The following ZNF551 variants were observed in gnomAD, a reference collection of about 807,000 sequenced individuals.
ZNF551 encodes zinc finger protein 551, also known as KOX 23 protein (56 AA).
In ZNF551, 5 loss-of-function variants were observed where a neutral mutation model predicts 7.9. That is an observed-to-expected ratio of 0.63 (90% CI 0.33 to 1.33). The LOEUF is 1.33. ZNF551 is among the 40% of genes most tolerant of loss of function. The probability of loss-of-function intolerance (pLI) is 0.05; values close to 1 mark genes in which losing one functional copy is unlikely to be tolerated. For synonymous variants in ZNF551, 287 were observed against 277.3 expected (o/e 1.03, Z -0.35); for missense variants, 788 against 825.2 (o/e 0.95, Z 0.55).
Position 57,687,919 on chromosome 19 carries a change from G to C in ZNF551, c.1644G>C (p.Gln548His). 6.2e-7 allele frequency: 1 copy of C among 1,613,964 alleles called. No homozygotes were observed. The highest frequency in any genetic ancestry group is 8.5e-7 in the Non-Finnish European group (1 of 1,179,986). ...TTAGACAGCGCTCTGGCCTCATTCA[G>C]CACCGGAGACTTCATACTGGAGAAA... ...KSFRQRSGLIQHRRLHTGERP... is the reference protein window; with the variant it reads ...KSFRQRSGLIHHRRLHTGERP... Residue 548 changes from glutamine (Q) to histidine (H), a missense_variant, in exon 3 of 3, where the codon CAG becomes CAC. By Grantham distance (24) the Gln-to-His change is conservative. Transcript: ENST00000282296.
chr19:57,684,823 T>C (rs1984502005), intron 1 of ZNF551, among the ~76,000 whole-genome samples: 1 of 152,082 alleles, frequency 6.6e-6, no homozygotes, highest in African/African-American at 2.4e-5. Flanking sequence ...AAGAGTGATG[T>C]ACATGAGAAG....
In ZNF551 at chr19:57,686,632, G is replaced by A. The variant is rs754411980; in HGVS notation, c.357G>A (p.Ala119=). The change falls in exon 3 of 3, where the codon GCG becomes GCA. Residue 119 remains alanine (A), a synonymous_variant. Coordinates refer to ENST00000282296, the MANE Select transcript of ZNF551 (RefSeq NM_138347.5). The part of the protein sequence containing the change: ...CVPVLKDILP[A]AEHQTTSPVQ... ...CAGTCTTGAAAGACATTTTGCCTGC[G>A]GCTGAGCACCAAACCACATCCCCTG... 2.7e-5 allele frequency: 43 copies of A among 1,614,142 alleles called. No homozygotes were observed. The highest frequency in any genetic ancestry group is 1.7e-4 in the Admixed American group (10 of 60,020).
chr19:57,686,389 A>T, intron 2 of ZNF551, 92 bp from the exon 3 acceptor site: 3 of 1,516,274 alleles, frequency 2.0e-6, no homozygotes, highest in Non-Finnish European at 2.7e-6. Flanking sequence ...AGTTCCATGC[A>T]CTCAGTTCTT....
rs1169673497 is a variant in ZNF551 at position 57,688,537 on chromosome 19, C to G, written c.*249C>G. On this transcript the variant is annotated 3_prime_UTR_variant, in exon 3 of 3. Coordinates refer to ENST00000282296, the MANE Select transcript of ZNF551 (RefSeq NM_138347.5). Reference sequence around the variant, plus strand: ...TTTCACCCCTACCACCTGGCAGGTGCACACCATGTGCATGAGTCACTTCCC... The same window carrying G: ...TTTCACCCCTACCACCTGGCAGGTGGACACCATGTGCATGAGTCACTTCCC... 3.7e-6 allele frequency: 2 copies of G among 547,446 alleles called. No individual in the cohort carries two copies. The highest frequency in any genetic ancestry group is 6.5e-6 in the Non-Finnish European group (2 of 309,720). The allele number at this position is 547,446 out of a possible 1,614,324, so 33.9% of individuals were successfully genotyped here. A position where few individuals can be genotyped will look rare whatever the true frequency, so the allele number is the denominator to read the frequency against.
At chr19:57,683,415 T>C (rs1984452635) in intron 1 of ZNF551, among the ~76,000 whole-genome samples, 1 of 152,148 alleles carries the variant, frequency 6.6e-6, no homozygotes, top group African/African-American at 2.4e-5. Context: ...GGGAAGTACA[T>C]AGTAGGAGTA....
In ZNF551 at chr19:57,686,747, G is replaced by GAGCCCTGGAAA; in HGVS notation, c.475_485dup (p.Arg162SerfsTer13). 1 of 1,614,174 alleles carries GAGCCCTGGAAA rather than the reference G, an allele frequency of 6.2e-7. No homozygotes were observed. The highest frequency in any genetic ancestry group is 8.5e-7 in the Non-Finnish European group (1 of 1,180,032). ...GCATCAAAAGCATTACAATGAAGAA[G>GAGCCCTGGAAA]AGCCCTGGAAAAGGAAGGTGGATGA... is the stretch of plus-strand genomic sequence containing the variant. On this transcript the variant is annotated frameshift_variant, in exon 3 of 3. Transcript: ENST00000282296. LOFTEE classifies it low-confidence loss of function (END_TRUNC).
chr19:57,682,814 G>T (rs921455213), intron 1 of ZNF551, among the ~76,000 whole-genome samples: 8 of 152,188 alleles, frequency 5.3e-5, no homozygotes, highest in African/African-American at 1.9e-4. Flanking sequence ...CACTCGTCTA[G>T]CCTTGGGCCC....
In ZNF551 at chr19:57,687,728, A is replaced by G. The variant is rs1984623011; in HGVS notation, c.1453A>G (p.Ser485Gly). ...YECSECEKSF[S>G]RKFILIQHQR... The stretch of plus-strand genomic sequence containing the variant: ...GTGCAGTGAATGTGAGAAATCCTTT[A>G]GCCGCAAATTTATCCTGATTCAACA... The change falls in exon 3 of 3, where the codon AGC becomes GGC. Residue 485 changes from serine to glycine, a missense_variant. Transcript: ENST00000282296. 5 of 1,614,054 alleles carry G rather than the reference A, an allele frequency of 3.1e-6. No individual in the cohort carries two copies. Among genetic ancestry groups the G allele is most frequent in the Admixed American group, 1.7e-5 (1 of 59,990 alleles).
rs140247514 is a variant in ZNF551, at chr19:57,686,895, G to C, written c.620G>C (p.Ser207Thr). 2.2e-4 allele frequency: 359 copies of C among 1,614,212 alleles called. No individual in the cohort carries two copies. Among genetic ancestry groups the C allele is most frequent in the Middle Eastern group, 1.5e-3 (9 of 6,062 alleles). The change falls in exon 3 of 3, where the codon AGT becomes ACT. Residue 207 changes from serine (S) to threonine (T), a missense_variant. Transcript: ENST00000282296. ...ACTCCCAGTGGTGAGGAGCCACACA[G>C]TAGCAGCAGCAAGCATATACAGGCA... ...EATPSGEEPH[S>T]SSSKHIQAFF... is the part of the protein sequence containing the mutation.
Position 57,685,233 on chromosome 19 carries a change from C to T in ZNF551, c.82-29C>T, listed in dbSNP as rs112664679. On this transcript the variant is annotated intron_variant, in intron 1 of 2. Coordinates refer to ENST00000282296, the MANE Select transcript of ZNF551 (RefSeq NM_138347.5). ...GAGGATAATGAACTCCGGGTCTGAT[C>T]GTGGATTGAACTATTCCTGCTGTGA... 3.0e-5 allele frequency: 49 copies of T among 1,611,516 alleles called. 1 individual carries two copies. The highest frequency in any genetic ancestry group is 1.2e-4 in the African/African-American group (9 of 74,930).
At position 57,682,235 on chromosome 19, in the gene ZNF551, C is replaced by T. The variant is rs1395893415; in HGVS notation, c.72C>T (p.Asp24=). ...RSSMAAVALR[D]SAQGMTFEDV... is the part of the protein sequence containing the mutation. ...CAATGGCGGCAGTCGCGCTGAGGGA[C>T]TCGGCTCAGGTGAGTTGTGCGTCCT... The change falls in exon 1 of 3, where the codon GAC becomes GAT. Residue 24 remains aspartate (D), a synonymous_variant. Transcript: ENST00000282296. 9 of 1,550,494 alleles carry T rather than the reference C, an allele frequency of 5.8e-6. No individual in the cohort carries two copies. The highest frequency in any genetic ancestry group is 1.2e-5 in the South Asian group (1 of 84,054).
Position 57,686,901 on chromosome 19 carries a change from G to C in ZNF551, c.626G>C (p.Ser209Thr), listed in dbSNP as rs202090270. ...AGTGGTGAGGAGCCACACAGTAGCA[G>C]CAGCAAGCATATACAGGCATTTTTC... ...TPSGEEPHSS[S>T]SKHIQAFFNA... is the part of the protein sequence containing the mutation. The change falls in exon 3 of 3, where the codon AGC becomes ACC. Residue 209 changes from serine to threonine, a missense_variant. Ser to Thr is a moderately conservative substitution (Grantham distance 58). Transcript: ENST00000282296. 2.8e-5 allele frequency: 46 copies of C among 1,614,166 alleles called. No individual in the cohort carries two copies. In the East Asian group the frequency reaches 1.0e-3, roughly 35 times the overall value.
chr19:57,683,847 C>T (rs148193849), intron 1 of ZNF551, among the ~76,000 whole-genome samples: 48 of 152,092 alleles, frequency 3.2e-4, no homozygotes, highest in African/African-American at 1.0e-3. Flanking sequence ...CAGGATGATG[C>T]TAGGACTGGT....
rs146470192 is a variant in ZNF551 at position 57,682,949 on chromosome 19, G to A, written c.81+705G>A. Among the ~76,000 whole-genome samples the A allele has an allele frequency of 2.4e-3, 369 of 152,376 alleles. 2 individuals carry two copies. Among genetic ancestry groups the A allele is most frequent in the African/African-American group, 8.7e-3 (361 of 41,590 alleles). ...AGGCAAAGTTACCAGTATATGCTAA[G>A]TTTGGAGAGGAGGCTAAGATAGTTC... On this transcript the variant is annotated intron_variant, in intron 1 of 2. Coordinates refer to ENST00000282296, the MANE Select transcript of ZNF551 (RefSeq NM_138347.5).
chr19:57,685,187 G>A, intron 1 of ZNF551, 75 bp from the exon 2 acceptor site: 2 of 1,581,070 alleles, frequency 1.3e-6, no homozygotes, highest in East Asian at 2.2e-5. Context: ...AGGGTGACCT[G>A]GGGATGGATG....
At position 57,687,521 on chromosome 19, in the gene ZNF551, G is replaced by A; in HGVS notation, c.1246G>A (p.Glu416Lys). 4 of 1,614,202 alleles carry A rather than the reference G, an allele frequency of 2.5e-6. No individual in the cohort carries two copies. The highest frequency in any genetic ancestry group is 3.4e-6 in the Non-Finnish European group (4 of 1,180,012). ...TCGACATAGAAGAGTTCACACTGGA[G>A]AAATGCCTTATCAGTGCAGTGATTG... ...LIRHRRVHTG[E>K]MPYQCSDCGK... The change falls in exon 3 of 3, where the codon GAA (glutamate) becomes AAA (lysine). Residue 416 changes from glutamate (E) to lysine (K), a missense_variant. Transcript: ENST00000282296.
At position 57,687,780 on chromosome 19, in the gene ZNF551, C is replaced by A. The variant is rs1437738904; in HGVS notation, c.1505C>A (p.Pro502His). The A allele has an allele frequency of 6.2e-7, 1 of 1,614,204 alleles. No individual in the cohort carries two copies. The highest frequency in any genetic ancestry group is 8.5e-7 in the Non-Finnish European group (1 of 1,180,042). Residue 502 changes from proline (P) to histidine (H), a missense_variant, in exon 3 of 3, where the codon CCT becomes CAT. Pro to His is a moderately conservative substitution (Grantham distance 77, BLOSUM62 -2). Coordinates refer to ENST00000282296, the MANE Select transcript of ZNF551 (RefSeq NM_138347.5). Reference sequence around the variant, plus strand: ...CAAAGAGTTCACACTGGAGAAAGACCTTATGAATGCAGTGAATGTGGAAAA... The same window carrying A: ...CAAAGAGTTCACACTGGAGAAAGACATTATGAATGCAGTGAATGTGGAAAA... ...QHQRVHTGERPYECSECGKSF... is the reference protein window; with the variant it reads ...QHQRVHTGERHYECSECGKSF...
chr19:57,685,710 G>A (rs1984533399), intron 2 of ZNF551, among the ~76,000 whole-genome samples: 1 of 152,078 alleles, frequency 6.6e-6, no homozygotes, highest in Non-Finnish European at 1.5e-5. Flanking sequence ...CTTTCCTTAA[G>A]ACTTACATCA....
intron 1 of ZNF551, among the ~76,000 whole-genome samples, chr19:57,683,512 T>C (rs564931502): frequency 1.6e-4 from 25 of 152,190 alleles, no homozygotes; most frequent in Non-Finnish European, 1.8e-4. Flanking sequence ...CTGCTGGAAC[T>C]GTAGGTCAGG....
Sources: allele counts gnomAD v4.1 joint callset (sites outside exome capture counted in the v4.1 genomes callset), GRCh38; gene constraint gnomAD v4.1.1; transcripts MANE v1.5; gene names NCBI Gene and HGNC (gene_info 2026-07-23, HGNC 2026-07-21).